NAV3: variants seen among roughly 807,000 people sequenced by gnomAD.
NAV3 encodes neuron navigator 3, also known as pore membrane and/or filament interacting like protein 1.
In NAV3, 87 loss-of-function variants were observed where a neutral mutation model predicts 244.7. The ratio of observed to expected loss-of-function variants is 0.36; its 90% CI spans 0.30 to 0.42. NAV3 has a LOEUF of 0.42. Among genes scored for constraint, NAV3 ranks in the 20% least tolerant of loss-of-function variants. The probability of loss-of-function intolerance (pLI) is 1.00; values close to 1 mark genes in which losing one functional copy is unlikely to be tolerated. For missense variants in NAV3, 2,663 were observed against 2,893.3 expected (o/e 0.92, Z 1.83); for synonymous variants, 1,126 against 1,042.2 (o/e 1.08, Z -1.55).
chr12:77,789,717 G>A (rs1204114728), intron 2 of NAV3, among the ~76,000 whole-genome samples: 1 of 151,562 alleles, frequency 6.6e-6, no homozygotes, highest in East Asian at 1.9e-4. Flanking sequence ...GACTGAGGCA[G>A]GAGAATCACT....
At chr12:77,973,520 C>A (rs891570315) in intron 5 of NAV3, among the ~76,000 whole-genome samples, 1 of 152,104 alleles carries the variant, frequency 6.6e-6, no homozygotes, top group Non-Finnish European at 1.5e-5. Context: ...GTGAAATCCC[C>A]GGGTACACGT....
At chr12:78,142,690 T>TACAC (rs1956673627) in intron 20 of NAV3, among the ~76,000 whole-genome samples, 1 of 87,364 alleles carries the variant, frequency 1.1e-5, no homozygotes, top group African/African-American at 4.4e-5. Flanking sequence ...TGTGTATATA[T>TACAC]ATACATATGT....
intron 2 of NAV3, among the ~76,000 whole-genome samples, chr12:77,600,376 C>T (rs1323740569): frequency 6.6e-6 from 1 of 151,964 alleles, no homozygotes; most frequent in Non-Finnish European, 1.5e-5. Context: ...ACTAAAGTTT[C>T]TAACCCAGGC....
intron 12 of NAV3, among the ~76,000 whole-genome samples, chr12:78,092,299 T>G (rs1466632265): frequency 6.6e-6 from 1 of 152,014 alleles, no homozygotes; most frequent in African/African-American, 2.4e-5. Flanking sequence ...TACTGTCTTT[T>G]CTTATCAAAC....
At chr12:77,702,900 C>G (rs946782270) in intron 2 of NAV3, among the ~76,000 whole-genome samples, 3 of 151,584 alleles carry the variant, frequency 2.0e-5, no homozygotes, top group Non-Finnish European at 2.9e-5. Flanking sequence ...GATTTTTCCT[C>G]TGGTATCAAT....
intron 1 of NAV3, among the ~76,000 whole-genome samples, chr12:77,902,557 G>C (rs77829443): frequency 3.9e-5 from 6 of 152,134 alleles, no homozygotes; most frequent in Admixed American, 3.9e-4. Flanking sequence ...GCAAAAACTG[G>C]AAGCATTCCC....
intron 2 of NAV3, among the ~76,000 whole-genome samples, chr12:77,686,280 A>T (rs1874737934): frequency 1.3e-5 from 2 of 152,012 alleles, no homozygotes; most frequent in South Asian, 4.2e-4. Context: ...TTTGGTAGAG[A>T]CGGGGTTTCA....
chr12:78,209,922 G>A (rs1403798970), intron 39 of NAV3, among the ~76,000 whole-genome samples: 6 of 152,184 alleles, frequency 3.9e-5, no homozygotes, highest in Non-Finnish European at 1.5e-5. Context: ...GTGCTTGTGT[G>A]CAGCAGCTGG....
chr12:77,681,070 C>T (rs1043644417), intron 2 of NAV3, among the ~76,000 whole-genome samples: 1 of 152,044 alleles, frequency 6.6e-6, no homozygotes, highest in Admixed American at 6.6e-5. Flanking sequence ...CTTAAATTTG[C>T]CTAGTATTTT....
At chr12:77,991,173 G>A (rs562148930) in intron 5 of NAV3, among the ~76,000 whole-genome samples, 5 of 151,856 alleles carry the variant, frequency 3.3e-5, no homozygotes, top group South Asian at 4.2e-4. Flanking sequence ...TTACAGGCAC[G>A]CACCACCAGG....
Position 78,040,676 on chromosome 12 carries a change from C to T in NAV3, c.2024-9317C>T, listed in dbSNP as rs569734061. Among the ~76,000 whole-genome samples, 99 of 152,088 alleles carry T rather than the reference C, an allele frequency of 6.5e-4. No individual in the cohort carries two copies. In the South Asian group the frequency reaches 0.018, roughly 27 times the overall value. On this transcript the variant is annotated intron_variant, in intron 9 of 39. Transcript: ENST00000397909. ...AAAGGGATAGGAACATGTAATGATG[C>T]GTTCTAGGAATCTGTGTGAGGTCAA...
At chr12:78,057,834 C>G (rs991732158) in intron 11 of NAV3, among the ~76,000 whole-genome samples, 1 of 152,160 alleles carries the variant, frequency 6.6e-6, no homozygotes, top group Non-Finnish European at 1.5e-5. Context: ...ACTCAACCAT[C>G]CTTACACACT....
intron 3 of NAV3, among the ~76,000 whole-genome samples, chr12:77,961,810 TG>T (rs1368093382): frequency 3.5e-5 from 5 of 141,524 alleles, no homozygotes; most frequent in Admixed American, 3.0e-4. Context: ...TGGTCCTCTA[TG>T]TATACATTAC....
At chr12:78,196,805 A>G (rs1299617308) in intron 34 of NAV3, among the ~76,000 whole-genome samples, 3 of 151,946 alleles carry the variant, frequency 2.0e-5, no homozygotes, top group Non-Finnish European at 4.4e-5. Flanking sequence ...AACCTGAGAA[A>G]TGCCATTTTG....
chr12:78,110,331 G>T (rs1032973920), intron 12 of NAV3, among the ~76,000 whole-genome samples: 1 of 151,946 alleles, frequency 6.6e-6, no homozygotes, highest in African/African-American at 2.4e-5. Flanking sequence ...TGGATCAAAA[G>T]AATTAATATC....
At chr12:77,884,728 C>A (rs1442991509) in intron 1 of NAV3, among the ~76,000 whole-genome samples, 1 of 152,130 alleles carries the variant, frequency 6.6e-6, no homozygotes, top group Non-Finnish European at 1.5e-5. Flanking sequence ...GAAACATCTT[C>A]TCAGACATAC....
At chr12:77,617,010 C>A (rs890097269) in intron 2 of NAV3, among the ~76,000 whole-genome samples, 5 of 152,082 alleles carry the variant, frequency 3.3e-5, no homozygotes, top group Admixed American at 6.6e-5. Context: ...ACTAAATAGT[C>A]ACTTATCTTT....
chr12:77,766,368 C>CT (rs1350594154), intron 2 of NAV3, among the ~76,000 whole-genome samples: 7 of 152,346 alleles, frequency 4.6e-5, no homozygotes, highest in African/African-American at 1.4e-4. Context: ...TGGTACAACT[C>CT]TAAGTCACCA....
intron 1 of NAV3, among the ~76,000 whole-genome samples, chr12:77,833,936 G>A (rs2370039): frequency 0.84 from 128,406 of 151,978 alleles, 54,455 homozygotes; most frequent in Non-Finnish European, 0.88. Flanking sequence ...GGTGCCTGTC[G>A]GTGTCCTCTT....
Sources: allele counts gnomAD v4.1 joint callset (sites outside exome capture counted in the v4.1 genomes callset), GRCh38; gene constraint gnomAD v4.1.1; transcripts MANE v1.5; gene names NCBI Gene and HGNC (gene_info 2026-07-23, HGNC 2026-07-21).